Variants in WRN observed in about 807,000 individuals in gnomAD.
The protein encoded by WRN is bifunctional 3'-5' exonuclease/ATP-dependent helicase WRN.
In WRN, 149 loss-of-function variants were observed where a neutral mutation model predicts 180.7. That is an observed-to-expected ratio of 0.82 (90% CI 0.72 to 0.94). The LOEUF is 0.94. Ranked by LOEUF, WRN falls within the 40% of genes least tolerant of loss-of-function variation. The pLI is 0.00. For synonymous variants in WRN, 548 were observed against 568.9 expected (o/e 0.96, Z 0.52); for missense variants, 1,661 against 1,700.1 (o/e 0.98, Z 0.40).
intron 1 of WRN, among the ~76,000 whole-genome samples, chr8:31,035,761 A>T (rs956939802): frequency 6.6e-6 from 1 of 152,326 alleles, no homozygotes; most frequent in East Asian, 1.9e-4. Flanking sequence ...TTAATATATC[A>T]TATGATTCAC....
chr8:31,058,618 C>A, intron 2 of WRN, 75 bp downstream of exon 2: 1 of 1,453,324 alleles, frequency 6.9e-7, no homozygotes, highest in Non-Finnish European at 9.5e-7. Flanking sequence ...TCAGTTGTTA[C>A]TTGTAAACTT....
chr8:31,124,116 A>G (rs1801827698), intron 21 of WRN, among the ~76,000 whole-genome samples: 1 of 152,134 alleles, frequency 6.6e-6, no homozygotes, highest in Non-Finnish European at 1.5e-5. Flanking sequence ...AGTTTCTCAT[A>G]CAAAATAAAA....
chr8:31,149,321 C>T (rs1803000113), intron 30 of WRN, among the ~76,000 whole-genome samples: 2 of 151,154 alleles, frequency 1.3e-5, no homozygotes, highest in Admixed American at 1.3e-4. Context: ...GGCGTGAACC[C>T]GGGAGGCGGA....
chr8:31,169,400 A>T (rs1804019904), intron 34 of WRN, among the ~76,000 whole-genome samples: 1 of 151,726 alleles, frequency 6.6e-6, no homozygotes, highest in South Asian at 2.1e-4. Flanking sequence ...GACTTCTATA[A>T]TTTTTTTCTT....
intron 8 of WRN, among the ~76,000 whole-genome samples, chr8:31,078,193 G>A (rs2130104798): frequency 6.6e-6 from 1 of 152,256 alleles, no homozygotes; most frequent in South Asian, 2.1e-4. Flanking sequence ...ACATATTGAA[G>A]CTGAATAGGT....
At chr8:31,075,717 C>T (rs1365071175) in intron 7 of WRN, among the ~76,000 whole-genome samples, 2 of 141,574 alleles carry the variant, frequency 1.4e-5, no homozygotes, top group African/African-American at 2.7e-5. Flanking sequence ...GAGACTCTGT[C>T]TCAAAAAAAA....
chr8:31,036,142 C>A (rs1350720573), intron 1 of WRN, among the ~76,000 whole-genome samples: 1 of 152,208 alleles, frequency 6.6e-6, no homozygotes, highest in African/African-American at 2.4e-5. Flanking sequence ...TGGTTTATTT[C>A]ACTTAACAGA....
chr8:31,114,680 A>G (rs1801443331), intron 19 of WRN, among the ~76,000 whole-genome samples: 1 of 152,056 alleles, frequency 6.6e-6, no homozygotes, highest in Non-Finnish European at 1.5e-5. Context: ...TACTGTGCAG[A>G]TATATAGTTG....
At position 31,090,817 on chromosome 8, in the gene WRN, A is replaced by G; in HGVS notation, c.1721-17A>G. 1 of 1,572,822 alleles carries G rather than the reference A, an allele frequency of 6.4e-7. No individual in the cohort carries two copies. The highest frequency in any genetic ancestry group is 8.7e-7 in the Non-Finnish European group (1 of 1,151,230). On this transcript the variant is annotated splice_polypyrimidine_tract_variant and intron_variant, in intron 14 of 34. Transcript: ENST00000298139. ...TATATTTTTTTCATTTTATTTTTAT[A>G]TTTTTTTCATTTCAAGGATATGGAA...
intron 16 of WRN, among the ~76,000 whole-genome samples, chr8:31,094,119 G>A (rs1481164028): frequency 3.3e-5 from 5 of 152,018 alleles, no homozygotes; most frequent in South Asian, 2.1e-4. Context: ...ATGACGGAGC[G>A]GAATGACTGG....
At chr8:31,172,217 G>A (rs939813712) in intron 34 of WRN, among the ~76,000 whole-genome samples, 5 of 152,196 alleles carry the variant, frequency 3.3e-5, no homozygotes, top group East Asian at 1.9e-4. Context: ...GTGCAGTGGC[G>A]TGATTATAGC....
chr8:31,062,768 GTGTT>G (rs1812537768), intron 3 of WRN, among the ~76,000 whole-genome samples: 1 of 151,968 alleles, frequency 6.6e-6, no homozygotes, highest in Non-Finnish European at 1.5e-5. Context: ...CTGAAGCCCC[GTGTT>G]TGTTCTTTCT....
intron 15 of WRN, 43 bp from the exon 16 acceptor site, chr8:31,091,787 T>C (rs759634412): frequency 2.5e-5 from 38 of 1,491,800 alleles, no homozygotes; most frequent in Admixed American, 5.0e-5. Context: ...TTGATATGTG[T>C]AATGTGTACA....
Position 31,067,053 on chromosome 8 carries a change from G to C in WRN, c.525G>C (p.Trp175Cys). 1 of 1,613,790 alleles carries C rather than the reference G, an allele frequency of 6.2e-7. No homozygotes were observed. The highest frequency in any genetic ancestry group is 8.5e-7 in the Non-Finnish European group (1 of 1,179,920). ...ANKKLKCTET[W>C]SLNSLVKHLL... ...TCTAGCTGAAATGCACAGAGACCTG[G>C]AGCCTTAACAGTCTGGTTAAACACC... The change falls in exon 6 of 35, where the codon TGG (tryptophan) becomes TGC (cysteine). Residue 175 changes from tryptophan (W) to cysteine (C), a missense_variant. By Grantham distance (215) the Trp-to-Cys change is radical. Around this residue, in one of 3 missense-constraint regions of WRN, gnomAD observed 500 missense variants for 504.1 expected, o/e 0.99. Transcript: ENST00000298139.
At chr8:31,085,881 A>G (rs1002712540) in intron 11 of WRN, among the ~76,000 whole-genome samples, 1 of 151,926 alleles carries the variant, frequency 6.6e-6, no homozygotes, top group African/African-American at 2.4e-5. Flanking sequence ...ATGTGTATCC[A>G]TTTTTATTTG....
At chr8:31,037,822 C>G (rs1811506303) in intron 1 of WRN, among the ~76,000 whole-genome samples, 1 of 151,998 alleles carries the variant, frequency 6.6e-6, no homozygotes. Context: ...GTGTGATGCC[C>G]CTAGCTTTGT....
chr8:31,124,693 C>A, intron 22 of WRN, 70 bp downstream of exon 22: 1 of 1,438,008 alleles, frequency 7.0e-7, no homozygotes, highest in Non-Finnish European at 9.7e-7. Context: ...AACAATTTGG[C>A]TAAATAATTA....
chr8:31,074,169 C>T (rs554205534), intron 7 of WRN, among the ~76,000 whole-genome samples: 1 of 151,930 alleles, frequency 6.6e-6, no homozygotes, highest in Admixed American at 6.6e-5. Context: ...TCGTGATCCA[C>T]CCGCCTCGGC....
chr8:31,087,625 G>A (rs565159013), intron 11 of WRN, 151 bp from the exon 12 acceptor site: 49 of 707,904 alleles, frequency 6.9e-5, no homozygotes, highest in Admixed American at 1.4e-4. Context: ...TATTTAAACC[G>A]GAGCACACAT....
Sources: allele counts gnomAD v4.1 joint callset (sites outside exome capture counted in the v4.1 genomes callset), GRCh38; gene constraint gnomAD v4.1.1; regional missense constraint gnomAD v4.1.1; transcripts MANE v1.5; gene names NCBI Gene and HGNC (gene_info 2026-07-23, HGNC 2026-07-21).